CLCN5: variants seen among roughly 807,000 people sequenced by gnomAD.
CLCN5 encodes Cl-/H+ antiporter 5.
A neutral mutation model predicts 54.0 loss-of-function variants in CLCN5; 17 were observed. The ratio of observed to expected loss-of-function variants is 0.31; its 90% CI spans 0.22 to 0.47. The LOEUF (loss-of-function observed/expected upper bound fraction) is 0.47, where lower values mean the gene tolerates loss of function less well. Ranked by LOEUF, CLCN5 falls within the 20% of genes least tolerant of loss-of-function variation. The probability of loss-of-function intolerance (pLI) is 1.00; values close to 1 mark genes in which losing one functional copy is unlikely to be tolerated. For synonymous variants in CLCN5, 222 were observed against 233.0 expected, an observed-to-expected ratio of 0.95 and a Z score of 0.43; for missense variants, 448 against 646.7, an observed-to-expected ratio of 0.69 and a Z score of 3.33.
At chrX:49,992,232 A>G (rs1557179094) in intron 3 of CLCN5, among the ~76,000 whole-genome samples, 1 of 96,141 alleles carries the variant, frequency 1.0e-5, no homozygotes, top group Non-Finnish European at 2.1e-5. Flanking sequence ...TTTGCCTTCC[A>G]AATTTCAGCT....
At chrX:49,935,190 AC>A (rs1241961246) in intron 3 of CLCN5, among the ~76,000 whole-genome samples, 1 of 111,829 alleles carries the variant, frequency 8.9e-6, no homozygotes, top group African/African-American at 3.3e-5. Flanking sequence ...TCTAAGAGAC[AC>A]CATGCATTTC....
chrX:49,970,534 A>C (rs1222160934), intron 3 of CLCN5, among the ~76,000 whole-genome samples: 1 of 111,143 alleles, frequency 9.0e-6, no homozygotes, highest in Non-Finnish European at 1.9e-5. Flanking sequence ...TCTCCGCATA[A>C]TTTTTTTCAA....
chrX:50,006,873 C>G (rs1602040777), intron 3 of CLCN5, among the ~76,000 whole-genome samples: 1 of 111,686 alleles, frequency 9.0e-6, no homozygotes, highest in African/African-American at 3.3e-5. Flanking sequence ...GCCTAGCTAG[C>G]ACATATAGGA....
At chrX:50,028,959 G>GT (rs1931551784) in intron 3 of CLCN5, among the ~76,000 whole-genome samples, 1 of 111,288 alleles carries the variant, frequency 9.0e-6, no homozygotes, top group Admixed American at 9.5e-5. Context: ...ACTATTCTAT[G>GT]TTTTTTAAAA....
intron 11 of CLCN5, among the ~76,000 whole-genome samples, chrX:50,088,165 T>G (rs1304462788): frequency 8.9e-6 from 1 of 112,021 alleles, no homozygotes; most frequent in Non-Finnish European, 1.9e-5. Flanking sequence ...CCAGCACCAG[T>G]CTTTACTAAA....
At chrX:50,065,832 A>C (rs1408407944) in intron 4 of CLCN5, among the ~76,000 whole-genome samples, 3 of 102,043 alleles carry the variant, frequency 2.9e-5, no homozygotes, top group Non-Finnish European at 5.9e-5. Context: ...CTATGCAGCC[A>C]TAAAAAATGA....
At position 50,092,846 on chromosome X, in the gene CLCN5, T is replaced by A. The variant is rs1282229324; in HGVS notation, c.*627T>A. 8.8e-6 allele frequency: 1 copy of A among 113,606 alleles called. No individual in the cohort carries two copies. Among genetic ancestry groups the A allele is most frequent in the Non-Finnish European group, 1.9e-5 (1 of 53,867 alleles). 9.4% of individuals were successfully genotyped at this position (113,606 alleles called of 1,213,427 possible). Reference sequence around the variant, plus strand: ...TATAAGACAATGCTGCTTTGGTTAATCTCTTCTAAATGAATTTAGAGAGAT... The same window carrying A: ...TATAAGACAATGCTGCTTTGGTTAAACTCTTCTAAATGAATTTAGAGAGAT... On this transcript the variant is annotated 3_prime_UTR_variant, in exon 15 of 15. Coordinates refer to ENST00000376091, the MANE Select transcript of CLCN5 (RefSeq NM_001127898.4).
chrX:49,942,391 A>G (rs1926399860), intron 3 of CLCN5, among the ~76,000 whole-genome samples: 1 of 106,651 alleles, frequency 9.4e-6, no homozygotes, highest in Admixed American at 1.0e-4. Context: ...TGATGGTCTT[A>G]TCTAGGCAAA....
At chrX:50,019,522 A>G (rs1239508840) in intron 3 of CLCN5, among the ~76,000 whole-genome samples, 3 of 52,663 alleles carry the variant, frequency 5.7e-5, no homozygotes, top group Non-Finnish European at 9.6e-5. Context: ...ACATGTGCAC[A>G]TTGTGCAGGT....
At chrX:49,938,747 A>T (rs1926148981) in intron 3 of CLCN5, among the ~76,000 whole-genome samples, 1 of 108,003 alleles carries the variant, frequency 9.3e-6, no homozygotes, top group East Asian at 2.9e-4. Context: ...CTTCATGTCT[A>T]AAACACCAAA....
intron 4 of CLCN5, among the ~76,000 whole-genome samples, chrX:50,065,783 C>G (rs1375362625): frequency 9.6e-6 from 1 of 103,707 alleles, no homozygotes; most frequent in Non-Finnish European, 2.0e-5. Context: ...CAATGATAGA[C>G]TGGATTAAGA....
chrX:50,059,708 G>T (rs1569539736), intron 4 of CLCN5, among the ~76,000 whole-genome samples: 1 of 109,089 alleles, frequency 9.2e-6, no homozygotes, highest in East Asian at 2.9e-4. Context: ...GTTTTAGTAT[G>T]AGGACTGAAT....
At chrX:50,082,893 C>G (rs1299138865) in intron 9 of CLCN5, among the ~76,000 whole-genome samples, 1 of 111,353 alleles carries the variant, frequency 9.0e-6, no homozygotes, top group Non-Finnish European at 1.9e-5. Context: ...TTGGACCTCT[C>G]TCTACCTTTT....
At chrX:49,964,791 G>A (rs1483015605) in intron 3 of CLCN5, among the ~76,000 whole-genome samples, 1 of 110,239 alleles carries the variant, frequency 9.1e-6, no homozygotes, top group African/African-American at 3.3e-5. Flanking sequence ...CACTTACTAT[G>A]TACCAGGCAC....
At chrX:49,946,667 C>A (rs1237376641) in intron 3 of CLCN5, among the ~76,000 whole-genome samples, 1 of 110,645 alleles carries the variant, frequency 9.0e-6, no homozygotes, top group Admixed American at 9.7e-5. Context: ...TTGGTTAGAA[C>A]CTACTCACAT....
chrX:50,064,088 G>A (rs1932918640), intron 4 of CLCN5, among the ~76,000 whole-genome samples: 1 of 105,422 alleles, frequency 9.5e-6, no homozygotes, highest in Non-Finnish European at 2.0e-5. Flanking sequence ...CATTCCCTTT[G>A]AAAACTGGCA....
chrX:49,926,749 A>T (rs1925364295), intron 3 of CLCN5, among the ~76,000 whole-genome samples: 1 of 112,322 alleles, frequency 8.9e-6, no homozygotes, highest in Non-Finnish European at 1.9e-5. Flanking sequence ...CAAAGATTCT[A>T]AACAGGGAAG....
chrX:50,026,262 T>A (rs1359557831), intron 3 of CLCN5, among the ~76,000 whole-genome samples: 3 of 112,250 alleles, frequency 2.7e-5, no homozygotes, highest in African/African-American at 9.7e-5. Context: ...TCTTTTAAAT[T>A]TGTTAAAGTA....
At chrX:50,071,511 G>T in intron 5 of CLCN5, among the ~76,000 whole-genome samples, 1 of 111,740 alleles carries the variant, frequency 8.9e-6, no homozygotes, top group African/African-American at 3.3e-5. Context: ...TATATTAATG[G>T]TTGCATCTGA....
Sources: gnomAD v4.1 joint callset for allele counts (sites outside exome capture counted in the v4.1 genomes callset) on GRCh38, gnomAD v4.1.1 for gene constraint, MANE v1.5 for transcripts, NCBI Gene and HGNC (gene_info 2026-07-23, HGNC 2026-07-21) for gene names.